FBN2: variants seen among roughly 807,000 people sequenced by gnomAD.
FBN2 encodes fibrillin-2.
In FBN2, 105 loss-of-function variants were observed where a neutral mutation model predicts 355.6. The ratio of observed to expected loss-of-function variants is 0.30; its 90% CI spans 0.25 to 0.35. The LOEUF is 0.35. Among genes scored for constraint, FBN2 ranks in the 10% least tolerant of loss-of-function variants. The pLI is 1.00. For synonymous variants in FBN2, 1,350 were observed against 1,301.2 expected, an observed-to-expected ratio of 1.04 and a Z score of -0.81; for missense variants, 3,280 against 3,758.7, an observed-to-expected ratio of 0.87 and a Z score of 3.33.
chr5:128,385,443 T>C (rs558709415), intron 11 of FBN2, among the ~76,000 whole-genome samples: 1 of 152,310 alleles, frequency 6.6e-6, no homozygotes, highest in African/African-American at 2.4e-5. Flanking sequence ...CCACATTTTC[T>C]TTACTCAGTC....
intron 48 of FBN2, among the ~76,000 whole-genome samples, chr5:128,294,182 G>A (rs1261689479): frequency 6.6e-6 from 1 of 152,060 alleles, no homozygotes; most frequent in Non-Finnish European, 1.5e-5. Flanking sequence ...ATTTTTTATG[G>A]CTGCAGAGTA....
At chr5:128,402,649 A>C (rs1161227951) in intron 8 of FBN2, among the ~76,000 whole-genome samples, 3 of 152,180 alleles carry the variant, frequency 2.0e-5, no homozygotes, top group Non-Finnish European at 4.4e-5. Context: ...GCTCATTAAG[A>C]AATGAAGGGT....
At chr5:128,468,190 T>C (rs753586334) in intron 5 of FBN2, among the ~76,000 whole-genome samples, 8 of 152,184 alleles carry the variant, frequency 5.3e-5, no homozygotes, top group African/African-American at 9.6e-5. Flanking sequence ...TGAAATCATA[T>C]AACACGTGGT....
At chr5:128,518,465 C>T (rs1464812051) in intron 5 of FBN2, among the ~76,000 whole-genome samples, 11 of 152,122 alleles carry the variant, frequency 7.2e-5, no homozygotes, top group Admixed American at 7.2e-4. Flanking sequence ...TTCAGATACC[C>T]AATCATCCCT....
intron 18 of FBN2, 39 bp from the exon 19 acceptor site, chr5:128,361,887 T>C (rs1485005116): frequency 6.2e-7 from 1 of 1,602,936 alleles, no homozygotes. Context: ...TACACATATT[T>C]AAGCATCTAT....
At chr5:128,396,055 G>A (rs114100403) in intron 8 of FBN2, among the ~76,000 whole-genome samples, 2,518 of 152,316 alleles carry the variant, frequency 0.017, 35 homozygotes, top group Non-Finnish European at 0.025. Context: ...GGTGAGAGAT[G>A]ATGGTGGCTT....
Position 128,259,422 on chromosome 5 carries a change from A to G in FBN2, c.*33T>C. On this transcript the variant is annotated 3_prime_UTR_variant, in exon 65 of 65. Coordinates refer to ENST00000262464, the MANE Select transcript of FBN2 (RefSeq NM_001999.4). ...AATGCTTCTGCAGACTGGCTGTGCT[A>G]GGATTTGAGCCTGGGCCCAAGTCTG... 1 of 1,611,932 alleles carries G rather than the reference A, an allele frequency of 6.2e-7. No homozygotes were observed. The highest frequency in any genetic ancestry group is 8.5e-7 in the Non-Finnish European group (1 of 1,179,562).
At chr5:128,501,896 AG>A (rs1755825705) in intron 5 of FBN2, among the ~76,000 whole-genome samples, 1 of 152,160 alleles carries the variant, frequency 6.6e-6, no homozygotes, top group African/African-American at 2.4e-5. Context: ...TACTTGAAGT[AG>A]AGAACCTAAA....
chr5:128,445,547 C>T (rs184274811), intron 7 of FBN2, among the ~76,000 whole-genome samples: 3 of 152,126 alleles, frequency 2.0e-5, no homozygotes, highest in East Asian at 1.9e-4. Context: ...CTGTTTACAA[C>T]CAATCAACAA....
In FBN2 at chr5:128,476,813, C is replaced by T. The variant is rs147558022; in HGVS notation, c.629-11892G>A. Among the ~76,000 whole-genome samples, 179 of 152,284 alleles carry T rather than the reference C, an allele frequency of 1.2e-3. 2 individuals are homozygous for T. The East Asian group carries it at 0.015, about 13-fold the overall frequency. ...CAGGGGATCAAGTCCTTAGTCACAG[C>T]ACACCATTATTACAATGAGATTCAA... On this transcript the variant is annotated intron_variant, in intron 5 of 64. Coordinates refer to ENST00000262464, the MANE Select transcript of FBN2 (RefSeq NM_001999.4).
intron 32 of FBN2, among the ~76,000 whole-genome samples, chr5:128,331,681 C>T (rs778790393): frequency 3.9e-5 from 6 of 152,002 alleles, no homozygotes; most frequent in Non-Finnish European, 1.5e-5. Context: ...TCAGCAGACA[C>T]GAAGAGCGAG....
At position 128,369,383 on chromosome 5, in the gene FBN2, A is replaced by C. The variant is rs1347324014; in HGVS notation, c.2096-49T>G. 3 of 1,602,032 alleles carry C rather than the reference A, an allele frequency of 1.9e-6. 1 individual carries two copies. The highest frequency in any genetic ancestry group is 8.5e-7 in the Non-Finnish European group (1 of 1,171,776). On this transcript the variant is annotated intron_variant, in intron 15 of 64. Transcript: ENST00000262464. ...ACTTGAGGCAGTGATAGAGACAAAG[A>C]GATTTCGAAACAGAAGGCTTCTTTT... is the stretch of plus-strand genomic sequence containing the variant.
intron 61 of FBN2, 73 bp from the exon 62 acceptor site, chr5:128,272,191 C>A (rs1765284404): frequency 1.9e-6 from 3 of 1,539,828 alleles, no homozygotes; most frequent in Non-Finnish European, 2.7e-6. Flanking sequence ...CCAAACGAAA[C>A]CTGGGGTAAC....
At chr5:128,519,193 T>C (rs987453092) in intron 5 of FBN2, 80 bp downstream of exon 5, 3 of 960,748 alleles carry the variant, frequency 3.1e-6, no homozygotes, top group Middle Eastern at 2.1e-4. Context: ...TAGCAGAATC[T>C]TCATTGAATA....
At chr5:128,290,038 T>G in intron 50 of FBN2, 91 bp from the exon 51 acceptor site, 2 of 757,110 alleles carry the variant, frequency 2.6e-6, no homozygotes, top group South Asian at 2.9e-5. Context: ...GAAATTACAC[T>G]TAATTATGTT....
chr5:128,504,413 C>A (rs1755899013), intron 5 of FBN2, among the ~76,000 whole-genome samples: 1 of 152,188 alleles, frequency 6.6e-6, no homozygotes, highest in Non-Finnish European at 1.5e-5. Flanking sequence ...AACACCAGCC[C>A]ATGAAAGCAG....
Position 128,420,677 on chromosome 5 carries a change from A to G in FBN2, c.953-11878T>C, listed in dbSNP as rs573675550. ...TCTCTTAAATAAATATTTTGTTTGA[A>G]ATAAAAAGAAACAATAGTTAATGAA... On this transcript the variant is annotated intron_variant, in intron 7 of 64. Coordinates refer to ENST00000262464, the MANE Select transcript of FBN2 (RefSeq NM_001999.4). 1.7e-4 allele frequency among the ~76,000 whole-genome samples: 26 copies of G among 152,362 alleles called. No homozygotes were observed. The South Asian group carries it at 5.4e-3, about 32-fold the overall frequency.
intron 16 of FBN2, among the ~76,000 whole-genome samples, chr5:128,368,437 C>CACAT (rs1448467402): frequency 3.1e-4 from 30 of 97,730 alleles, no homozygotes; most frequent in African/African-American, 1.0e-3. Flanking sequence ...TATATATACA[C>CACAT]ATATATACAT....
At position 128,267,912 on chromosome 5, in the gene FBN2, GC is replaced by G. The variant is rs557574222; in HGVS notation, c.7960+4086del. On this transcript the variant is annotated intron_variant, in intron 62 of 64. Coordinates refer to ENST00000262464, the MANE Select transcript of FBN2 (RefSeq NM_001999.4). The stretch of plus-strand genomic sequence containing the variant: ...TTAGGGGAAATTTATAGCGCTAAAT[GC>G]CCATGTCAGAAAGCTAGAAAGATCT... Among the ~76,000 whole-genome samples, 217 of 152,248 alleles carry G rather than the reference GC, an allele frequency of 1.4e-3. 2 individuals are homozygous for G. The highest frequency in any genetic ancestry group is 2.1e-3 in the Non-Finnish European group (144 of 68,022).
Sources: gnomAD v4.1 joint callset for allele counts (sites outside exome capture counted in the v4.1 genomes callset) on GRCh38, gnomAD v4.1.1 for gene constraint, MANE v1.5 for transcripts, NCBI Gene and HGNC (gene_info 2026-07-23, HGNC 2026-07-21) for gene names.